Variants in WIZ observed in about 807,000 individuals in gnomAD.
WIZ encodes the protein protein Wiz.
WIZ carries 25 observed loss-of-function variants against 140.2 expected under a neutral mutation model. The ratio of observed to expected loss-of-function variants is 0.18; its 90% confidence interval spans 0.13 to 0.25. The LOEUF (loss-of-function observed/expected upper bound fraction) is 0.25. WIZ is among the 10% of genes least tolerant of loss of function. The pLI is 1.00. For missense variants in WIZ, 2,231 were observed against 2,632.6 expected (o/e 0.85, Z 3.34); for synonymous variants, 1,125 against 1,154.3 (o/e 0.97, Z 0.51).
Position 15,428,253 on chromosome 19 carries a change from A to C in WIZ, c.3671T>G (p.Leu1224Trp). ...CTTGGCCGGCGGTGGGGGGGGAAGC[A>C]AGGAGAGGGCCGCGGAGGTGGGAGG... ...RPPPTSAALS[L>W]LPPPPPAKKA... Residue 1224 changes from leucine to tryptophan, a missense_variant, in exon 8 of 13, where the codon TTG (leucine) becomes TGG (tryptophan). Leu to Trp is a moderately conservative substitution (Grantham distance 61, BLOSUM62 -2). This residue lies in a region of WIZ where 141 missense variants were observed against 161.2 expected (regional missense o/e 0.87). Transcript: ENST00000673675. The surrounding 1 kb of genome is among the most constrained non-coding windows in gnomAD (Gnocchi z 6.4). The C allele has an allele frequency of 6.5e-7, 1 of 1,529,930 alleles. No homozygotes were observed. Among genetic ancestry groups the C allele is most frequent in the Non-Finnish European group, 8.7e-7 (1 of 1,144,686 alleles). 94.8% of individuals were successfully genotyped at this position (1,529,930 alleles called of 1,614,324 possible).
At position 15,435,759 on chromosome 19, in the gene WIZ, G is replaced by A. The variant is rs534614960; in HGVS notation, c.2740+1047C>T. The stretch of plus-strand genomic sequence containing the variant: ...AATCGCTGGAACCTGGGAGTTGGAG[G>A]TTGCAGTGACTGAGATCGCACCACT... On this transcript the variant is annotated intron_variant, in intron 5 of 12. Transcript: ENST00000673675. Among the ~76,000 whole-genome samples the A allele has an allele frequency of 3.9e-5, 6 of 152,134 alleles. No homozygotes were observed. In the South Asian group the frequency reaches 1.0e-3, roughly 26 times the overall value.
intron 9 of WIZ, among the ~76,000 whole-genome samples, chr19:15,426,188 CT>C (rs989445815): frequency 2.0e-5 from 3 of 152,052 alleles, no homozygotes; most frequent in Admixed American, 6.6e-5. Context: ...ATGAAAACCC[CT>C]ACCTCCCAGT....
In WIZ at chr19:15,427,462, G is replaced by C; in HGVS notation, c.3886C>G (p.Leu1296Val). Reference sequence around the variant, plus strand: ...AGATGGGAGCGCGCGTGGCTCGAGAGGCCCTTGCGGTTCTCGAAGAACTCA... The same window carrying C: ...AGATGGGAGCGCGCGTGGCTCGAGACGCCCTTGCGGTTCTCGAAGAACTCA... Reference protein sequence around the residue: ...CGEFFENRKGLSSHARSHLRQ... With the variant: ...CGEFFENRKGVSSHARSHLRQ... Residue 1296 changes from leucine (L) to valine (V), a missense_variant, in exon 9 of 13, where the codon CTC becomes GTC. Leu to Val is a conservative substitution (Grantham distance 32, BLOSUM62 1). Coordinates refer to ENST00000673675, the MANE Select transcript of WIZ (RefSeq NM_001371589.1). The surrounding 1 kb of genome is among the most constrained non-coding windows in gnomAD (Gnocchi z 6.4). 1 of 1,613,476 alleles carries C rather than the reference G, an allele frequency of 6.2e-7. No homozygotes were observed. Among genetic ancestry groups the C allele is most frequent in the Non-Finnish European group, 8.5e-7 (1 of 1,179,974 alleles).
chr19:15,429,910 C>T lies in WIZ; in HGVS notation c.3091G>A (p.Gly1031Arg). The T allele has an allele frequency of 6.5e-7, 1 of 1,535,968 alleles. No individual in the cohort carries two copies. Among genetic ancestry groups the T allele is most frequent in the Non-Finnish European group, 8.7e-7 (1 of 1,146,792 alleles). ...KQKGLPDAHLGLPPGLAKKSS... is the reference protein window; with the variant it reads ...KQKGLPDAHLRLPPGLAKKSS... Reference sequence around the variant, plus strand: ...TTCTTAGCCAGGCCTGGGGGCAGCCCAAGGTGGGCGTCAGGCAGACCCTTC... The same window carrying T: ...TTCTTAGCCAGGCCTGGGGGCAGCCTAAGGTGGGCGTCAGGCAGACCCTTC... The change falls in exon 7 of 13, where the codon GGG (glycine) becomes AGG (arginine). Residue 1031 changes from glycine (G) to arginine (R), a missense_variant. Around this residue, in one of 15 missense-constraint regions of WIZ, gnomAD observed 163 missense variants for 166.8 expected, o/e 0.98. Coordinates refer to ENST00000673675, the MANE Select transcript of WIZ (RefSeq NM_001371589.1).
At chr19:15,445,134 G>A (rs1415302657) in intron 2 of WIZ, among the ~76,000 whole-genome samples, 1 of 152,248 alleles carries the variant, frequency 6.6e-6, no homozygotes, top group Non-Finnish European at 1.5e-5. Flanking sequence ...CTTAGGCAGT[G>A]GCCATGCCAA....
At chr19:15,423,364 A>G (rs761746137) in intron 12 of WIZ, 129 bp from the exon 13 acceptor site, 4 of 1,159,212 alleles carry the variant, frequency 3.5e-6, no homozygotes, top group Non-Finnish European at 4.8e-6. Flanking sequence ...AGGCGGGGGA[A>G]GAGGGACCCA....
intron 2 of WIZ, among the ~76,000 whole-genome samples, chr19:15,443,022 C>A (rs1302292542): frequency 6.6e-6 from 1 of 152,200 alleles, no homozygotes; most frequent in African/African-American, 2.4e-5. Flanking sequence ...TTTTTACAAG[C>A]CTCACCCTGG....
intron 6 of WIZ, 69 bp downstream of exon 6, chr19:15,430,943 C>T (rs1053911016): frequency 2.8e-6 from 4 of 1,446,132 alleles, no homozygotes; most frequent in Non-Finnish European, 3.6e-6. Context: ...AACCCCAAGG[C>T]ACGAGAGTGC....
rs779118906 is a variant in WIZ at position 15,425,563 on chromosome 19, C to T, written c.4572G>A (p.Pro1524=). The T allele has an allele frequency of 5.3e-5, 85 of 1,613,032 alleles. No individual in the cohort carries two copies. The highest frequency in any genetic ancestry group is 1.3e-4 in the East Asian group (6 of 44,824). The part of the protein sequence containing the change: ...SKPCLIKKEP[P]AGDLAPALAE... ...CCAGGGCAGGGGCCAGGTCTCCAGC[C>T]GGTGGCTCCTTCTTGATGAGGCACG... Residue 1524 remains proline (P), a synonymous_variant, in exon 10 of 13, where the codon CCG becomes CCA. Transcript: ENST00000673675.
Position 15,424,092 on chromosome 19 carries a change from C to T in WIZ, c.5510+91G>A. 1 of 1,262,830 alleles carries T rather than the reference C, an allele frequency of 7.9e-7. No individual in the cohort carries two copies. The highest frequency in any genetic ancestry group is 1.0e-6 in the Non-Finnish European group (1 of 952,630). The allele number at this position is 1,262,830 out of a possible 1,614,324, so 78.2% of individuals were successfully genotyped here. Reference sequence around the variant, plus strand: ...AGGGCAGCCACTGAGGCGACACCTCCCAGCTTCCACCAAACCCTATCCTGT... The same window carrying T: ...AGGGCAGCCACTGAGGCGACACCTCTCAGCTTCCACCAAACCCTATCCTGT... On this transcript the variant is annotated intron_variant, in intron 12 of 12. Transcript: ENST00000673675. The surrounding 1 kb of genome is among the most constrained non-coding windows in gnomAD (Gnocchi z 9.7).
chr19:15,438,993 T>C lies in WIZ; in HGVS notation c.2001A>G (p.Ala667=), dbSNP rs1247735768. Residue 667 remains alanine (A), a synonymous_variant, in exon 4 of 13, where the codon GCA becomes GCG. Coordinates refer to ENST00000673675, the MANE Select transcript of WIZ (RefSeq NM_001371589.1). ...LKQAFREALQ[A]VEATQGQQQQ... Reference sequence around the variant, plus strand: ...GCTGCTGCCCCTGGGTGGCCTCTACTGCCTGCAGGGCCTCTCGGAATGCCT... The same window carrying C: ...GCTGCTGCCCCTGGGTGGCCTCTACCGCCTGCAGGGCCTCTCGGAATGCCT... 1 of 1,476,236 alleles carries C rather than the reference T, an allele frequency of 6.8e-7. No individual in the cohort carries two copies. The allele number at this position is 1,476,236 out of a possible 1,614,324, so 91.4% of individuals were successfully genotyped here.
Position 15,442,774 on chromosome 19 carries a change from G to A in WIZ, c.206-26C>T. The A allele has an allele frequency of 8.1e-7, 1 of 1,228,534 alleles. No individual in the cohort carries two copies. The highest frequency in any genetic ancestry group is 1.0e-6 in the Non-Finnish European group (1 of 984,890). 76.1% of individuals were successfully genotyped at this position (1,228,534 alleles called of 1,614,324 possible). ...CTGCAACAGAGAGGGGAGACCCTGA[G>A]GGGCTGGGGTCCCCCTGGCCGGGGC... On this transcript the variant is annotated intron_variant, in intron 2 of 12. Coordinates refer to ENST00000673675, the MANE Select transcript of WIZ (RefSeq NM_001371589.1). This position sits in a 1 kb window ranked among gnomAD's most constrained non-coding sequence, Gnocchi z 5.5.
chr19:15,432,707 T>C (rs1969347106), intron 5 of WIZ: 1 of 150,266 alleles, frequency 6.7e-6, no homozygotes, highest in African/African-American at 2.4e-5. Flanking sequence ...GCGGCCATCT[T>C]GGCTCCGGCG....
chr19:15,439,796 G>C lies in WIZ; in HGVS notation c.1198C>G (p.Arg400Gly). 1 of 1,512,868 alleles carries C rather than the reference G, an allele frequency of 6.6e-7. No homozygotes were observed. The highest frequency in any genetic ancestry group is 8.8e-7 in the Non-Finnish European group (1 of 1,135,990). 93.7% of individuals were successfully genotyped at this position (1,512,868 alleles called of 1,614,324 possible). ...AAGACACACTTAGGGCACTGCAGCC[G>C]TGCCTCCCGGCCCTCGTCTCCTGGA... ...QVPGDEGREA[R>G]LQCPKCVFGT... Residue 400 changes from arginine (R) to glycine (G), a missense_variant, in exon 4 of 13, where the codon CGG (arginine) becomes GGG (glycine). Physicochemically the swap from Arg to Gly is moderately radical, Grantham distance 125 (BLOSUM62 -2). Transcript: ENST00000673675. This position sits in a 1 kb window ranked among gnomAD's most constrained non-coding sequence, Gnocchi z 7.0.
chr19:15,428,519 A>G lies in WIZ; in HGVS notation c.3416-11T>C. On this transcript the variant is annotated splice_polypyrimidine_tract_variant and intron_variant, in intron 7 of 12. Coordinates refer to ENST00000673675, the MANE Select transcript of WIZ (RefSeq NM_001371589.1). This position sits in a 1 kb window ranked among gnomAD's most constrained non-coding sequence, Gnocchi z 6.4. ...CGTCACTATCTAAAGCTGCGGAGAC[A>G]AAACACAGGGGGGGTTCACGGCCGC... 2 of 1,534,468 alleles carry G rather than the reference A, an allele frequency of 1.3e-6. No individual in the cohort carries two copies. Among genetic ancestry groups the G allele is most frequent in the Non-Finnish European group, 1.7e-6 (2 of 1,146,288 alleles).
Position 15,424,552 on chromosome 19 carries a change from T to G in WIZ, c.5314+61A>C. The stretch of plus-strand genomic sequence containing the variant: ...GGGCCACAGCAGAGCGCCTGGGGAG[T>G]GGCTGGGTGGGCCTGACAGGTGCCC... On this transcript the variant is annotated intron_variant, in intron 11 of 12. Transcript: ENST00000673675. The surrounding 1 kb of genome is among the most constrained non-coding windows in gnomAD (Gnocchi z 9.7). The G allele has an allele frequency of 6.5e-7, 1 of 1,534,382 alleles. No homozygotes were observed. Among genetic ancestry groups the G allele is most frequent in the Non-Finnish European group, 8.7e-7 (1 of 1,146,130 alleles).
At position 15,428,531 on chromosome 19, in the gene WIZ, G is replaced by A; in HGVS notation, c.3416-23C>T. 6.5e-7 allele frequency: 1 copy of A among 1,535,392 alleles called. No homozygotes were observed. The highest frequency in any genetic ancestry group is 8.7e-7 in the Non-Finnish European group (1 of 1,146,774). On this transcript the variant is annotated intron_variant, in intron 7 of 12. Transcript: ENST00000673675. The surrounding 1 kb of genome is among the most constrained non-coding windows in gnomAD (Gnocchi z 6.4). ...AAGCTGCGGAGACAAAACACAGGGGGGGTTCACGGCCGCCACCTTGGCCGG... is the reference window on the plus strand; with the variant it reads ...AAGCTGCGGAGACAAAACACAGGGGAGGTTCACGGCCGCCACCTTGGCCGG...
rs925966076 is a variant in WIZ, at chr19:15,420,104, T to C, written c.*2972A>G. On this transcript the variant is annotated 3_prime_UTR_variant, in exon 13 of 13. Transcript: ENST00000673675. ...AATACTAAGAAGTTAACTGATCTTA[T>C]GGCCAGGATGTGCTTCACACAATTC... The C allele has an allele frequency of 3.3e-5, 5 of 152,242 alleles. No homozygotes were observed. Among genetic ancestry groups the C allele is most frequent in the African/African-American group, 9.6e-5 (4 of 41,456 alleles). The allele number at this position is 152,242 out of a possible 1,614,324, so 9.4% of individuals were successfully genotyped here.
intron 4 of WIZ, among the ~76,000 whole-genome samples, 166 bp downstream of exon 4, chr19:15,438,412 C>T (rs972611201): frequency 3.9e-5 from 6 of 152,206 alleles, no homozygotes; most frequent in Admixed American, 2.6e-4. Flanking sequence ...GGGACTGGGG[C>T]GTCTCCACAC....
Sources: gnomAD v4.1 joint callset for allele counts (sites outside exome capture counted in the v4.1 genomes callset) on GRCh38, gnomAD v4.1.1 for gene constraint, gnomAD v4.1.1 regional missense constraint, Gnocchi (gnomAD v3.1) non-coding constraint, MANE v1.5 for transcripts, NCBI Gene and HGNC (gene_info 2026-07-23, HGNC 2026-07-21) for gene names.